Variants in USP34 observed in about 807,000 individuals in gnomAD.
USP34 encodes the protein ubiquitin specific peptidase 34.
USP34 carries 70 observed loss-of-function variants against 460.3 expected under a neutral mutation model. The observed-to-expected ratio is 0.15, with a 90% confidence interval of 0.13 to 0.19. The LOEUF is 0.19. Among genes scored for constraint, USP34 ranks in the 10% least tolerant of loss-of-function variants. The probability of loss-of-function intolerance (pLI) is 1.00; values close to 1 mark genes in which losing one functional copy is unlikely to be tolerated. For synonymous variants in USP34, 1,647 were observed against 1,405.3 expected (o/e 1.17, Z -3.85); for missense variants, 3,985 against 4,236.2 (o/e 0.94, Z 1.65).
chr2:61,365,322 T>C (rs1375975509), intron 10 of USP34, among the ~76,000 whole-genome samples: 7 of 151,958 alleles, frequency 4.6e-5, no homozygotes, highest in South Asian at 4.1e-4. Flanking sequence ...TGTGTGTGTG[T>C]GTGTGTATAT....
At chr2:61,377,547 G>A (rs971707668) in intron 8 of USP34, among the ~76,000 whole-genome samples, 1 of 151,978 alleles carries the variant, frequency 6.6e-6, no homozygotes, top group African/African-American at 2.4e-5. Flanking sequence ...GGGATTAGTG[G>A]CCTAATAAAA....
Position 61,246,476 on chromosome 2 carries a change from A to C in USP34, c.6396T>G (p.Gly2132=). Residue 2132 remains glycine (G), a splice_region_variant and synonymous_variant, in exon 50 of 80, where the codon GGT becomes GGG. Coordinates refer to ENST00000398571, the MANE Select transcript of USP34 (RefSeq NM_014709.4). ...TTGAATGATCACTGACTTCTTTAAA[A>C]CCTGAAATGATTTACACAGAATGGA... ...FLMGKSERKE[G]FKEVSDHSKD... 1 of 1,544,876 alleles carries C rather than the reference A, an allele frequency of 6.5e-7. No individual in the cohort carries two copies. The highest frequency in any genetic ancestry group is 2.3e-5 in the East Asian group (1 of 42,866).
At chr2:61,315,309 G>A (rs567325792) in intron 23 of USP34, among the ~76,000 whole-genome samples, 2 of 151,438 alleles carry the variant, frequency 1.3e-5, no homozygotes, top group African/African-American at 2.4e-5. Context: ...CCTAAACTGA[G>A]AAAACCACTG....
At chr2:61,258,736 A>T (rs1688790397) in intron 44 of USP34, among the ~76,000 whole-genome samples, 1 of 152,120 alleles carries the variant, frequency 6.6e-6, no homozygotes, top group African/African-American at 2.4e-5. Flanking sequence ...TAAGCAGGGG[A>T]ATAATATTGT....
chr2:61,452,064 C>G (rs1400179284), intron 1 of USP34, among the ~76,000 whole-genome samples: 1 of 151,262 alleles, frequency 6.6e-6, no homozygotes, highest in Non-Finnish European at 1.5e-5. Context: ...GTCCCAGCTA[C>G]TCGGGAGGCT....
At chr2:61,298,480 G>A (rs888703897) in intron 29 of USP34, among the ~76,000 whole-genome samples, 1 of 132,344 alleles carries the variant, frequency 7.6e-6, no homozygotes, top group Non-Finnish European at 1.5e-5. Context: ...GGAGGTTGCA[G>A]TGAGCCGATA....
chr2:61,288,907 TATTTTC>T (rs773614624), intron 33 of USP34, 30 bp from the exon 34 acceptor site: 2 of 1,602,300 alleles, frequency 1.2e-6, no homozygotes, highest in South Asian at 1.1e-5. Context: ...GTCAATTCCC[TATTTTC>T]ATTAATTTAG....
At chr2:61,456,088 A>G (rs1474935727) in intron 1 of USP34, among the ~76,000 whole-genome samples, 2 of 152,210 alleles carry the variant, frequency 1.3e-5, no homozygotes, top group African/African-American at 4.8e-5. Flanking sequence ...GCTTTACACA[A>G]GTGTTTATGT....
intron 62 of USP34, among the ~76,000 whole-genome samples, chr2:61,225,197 T>C (rs1358409776): frequency 6.6e-6 from 1 of 152,198 alleles, no homozygotes; most frequent in Non-Finnish European, 1.5e-5. Flanking sequence ...TTAAATAAGT[T>C]ATGCAAAACC....
At chr2:61,407,418 C>T (rs1693907957) in intron 2 of USP34, among the ~76,000 whole-genome samples, 1 of 152,154 alleles carries the variant, frequency 6.6e-6, no homozygotes. Flanking sequence ...TACGCAAGTA[C>T]CTGGTTCTAA....
chr2:61,323,439 T>C (rs984957078), intron 21 of USP34, among the ~76,000 whole-genome samples: 4 of 145,086 alleles, frequency 2.8e-5, no homozygotes, highest in Non-Finnish European at 6.0e-5. Flanking sequence ...GGCGTGAACC[T>C]GGGAGGCAGA....
At chr2:61,203,368 A>G (rs1687028447) in intron 74 of USP34, 105 bp from the exon 75 acceptor site, 1 of 1,121,914 alleles carries the variant, frequency 8.9e-7, no homozygotes, top group Non-Finnish European at 1.1e-6. Context: ...CAATATTTAT[A>G]TTCTATAAGA....
chr2:61,399,271 A>C (rs1693636603), intron 3 of USP34, among the ~76,000 whole-genome samples: 1 of 151,244 alleles, frequency 6.6e-6, no homozygotes, highest in Admixed American at 6.6e-5. Context: ...GAATCCCGGA[A>C]GGCGAAGGTT....
At chr2:61,192,094 A>C (rs569276130) in intron 76 of USP34, among the ~76,000 whole-genome samples, 418 of 152,328 alleles carry the variant, frequency 2.7e-3, no homozygotes, top group African/African-American at 9.4e-3. Flanking sequence ...TCCAGAGCAC[A>C]CTACAGCCTG....
intron 1 of USP34, among the ~76,000 whole-genome samples, chr2:61,431,779 G>A (rs1278471696): frequency 7.2e-5 from 11 of 152,198 alleles, no homozygotes; most frequent in Non-Finnish European, 5.9e-5. Flanking sequence ...ACTTGAACCC[G>A]GGAGGCGGAG....
chr2:61,459,859 A>G lies in USP34; in HGVS notation c.43+10791T>C, dbSNP rs1695549376. 3.3e-5 allele frequency among the ~76,000 whole-genome samples: 5 copies of G among 152,144 alleles called. No homozygotes were observed. The South Asian group carries it at 1.0e-3, about 32-fold the overall frequency. On this transcript the variant is annotated intron_variant, in intron 1 of 79. Coordinates refer to ENST00000398571, the MANE Select transcript of USP34 (RefSeq NM_014709.4). ...CAGATCACCTGAGGTCAGGAGATCA[A>G]GACCATCCTGATTAACACGGTAAAA... is the stretch of plus-strand genomic sequence containing the variant.
chr2:61,405,820 C>A lies in USP34; in HGVS notation c.440G>T (p.Ser147Ile). The change falls in exon 3 of 80, where the codon AGT becomes ATT. Residue 147 changes from serine to isoleucine, a missense_variant. Transcript: ENST00000398571. ...TTCCTTCTCATCTGTACTCCATAAA[C>A]TAAAAGGATCAGAACTCTTTGAAGA... ...EESSKSSDPF[S>I]LWSTDEKEKL... 1 of 1,613,588 alleles carries A rather than the reference C, an allele frequency of 6.2e-7. No individual in the cohort carries two copies. Among genetic ancestry groups the A allele is most frequent in the Non-Finnish European group, 8.5e-7 (1 of 1,179,874 alleles).
At chr2:61,290,061 A>C (rs1024976671) in intron 33 of USP34, among the ~76,000 whole-genome samples, 4 of 152,194 alleles carry the variant, frequency 2.6e-5, no homozygotes, top group African/African-American at 9.6e-5. Context: ...GACATTTCAC[A>C]AAAGAAGATA....
rs778142351 is a variant in USP34 at position 61,470,641 on chromosome 2, G to GCTA, written c.43+6_43+8dup. On this transcript the variant is annotated intron_variant, in intron 1 of 79. Coordinates refer to ENST00000398571, the MANE Select transcript of USP34 (RefSeq NM_014709.4). ...TGCACCCCGACAGGCCGCTACCGCG[G>GCTA]CTACTTACTTTCATTTAACACCTCC... The GCTA allele has an allele frequency of 1.1e-4, 182 of 1,589,522 alleles. 1 individual carries two copies. Among genetic ancestry groups the GCTA allele is most frequent in the Non-Finnish European group, 1.5e-4 (178 of 1,165,724 alleles).
Sources: gnomAD v4.1 joint callset for allele counts (sites outside exome capture counted in the v4.1 genomes callset) on GRCh38, gnomAD v4.1.1 for gene constraint, MANE v1.5 for transcripts, NCBI Gene and HGNC (gene_info 2026-07-23, HGNC 2026-07-21) for gene names.